Variants in RRM1 observed in about 807,000 individuals in gnomAD.
The protein encoded by RRM1 is ribonucleoside-diphosphate reductase large subunit.
A neutral mutation model predicts 101.5 loss-of-function variants in RRM1; 19 were observed. The observed-to-expected ratio is 0.19, with a 90% CI of 0.13 to 0.27. RRM1 has a LOEUF of 0.27. Among genes scored for constraint, RRM1 ranks in the 10% least tolerant of loss-of-function variants. The pLI, the probability that RRM1 is intolerant of heterozygous loss-of-function variation, is 1.00. For synonymous variants in RRM1, 298 were observed against 323.4 expected, an observed-to-expected ratio of 0.92 and a Z score of 0.84; for missense variants, 500 against 962.9, an observed-to-expected ratio of 0.52 and a Z score of 6.36.
At chr11:4,137,963 CT>C in intron 18 of RRM1, 1 of 118,792 alleles carries the variant, frequency 8.4e-6, no homozygotes, top group Non-Finnish European at 1.8e-5. Context: ...CCCCCACCTC[CT>C]TCCCAGATGG....
At chr11:4,127,283 G>C in intron 14 of RRM1, 27 bp downstream of exon 14, 1 of 1,469,870 alleles carries the variant, frequency 6.8e-7, no homozygotes, top group Non-Finnish European at 9.2e-7. Flanking sequence ...AATTGTTTTT[G>C]CCTGTGAGTA....
intron 1 of RRM1, among the ~76,000 whole-genome samples, chr11:4,100,624 G>A (rs929029761): frequency 2.6e-5 from 4 of 152,112 alleles, no homozygotes; most frequent in African/African-American, 9.7e-5. Flanking sequence ...ATCAGTGTGA[G>A]ACACTAACAT....
In RRM1 at chr11:4,111,990, T is replaced by C; in HGVS notation, c.578T>C (p.Leu193Pro). The C allele has an allele frequency of 6.2e-7, 1 of 1,614,212 alleles. No individual in the cohort carries two copies. ...GCAGCAATTGAAACATATAATCTTC[T>C]TTCTGAGAGGTGGTTTACTCATGCT... Reference protein sequence around the residue: ...IDAAIETYNLLSERWFTHASP... With the variant: ...IDAAIETYNLPSERWFTHASP... The change falls in exon 7 of 19, where the codon CTT (leucine) becomes CCT (proline). Residue 193 changes from leucine to proline, a missense_variant. Coordinates refer to ENST00000300738, the MANE Select transcript of RRM1 (RefSeq NM_001033.5).
chr11:4,121,932 C>G (rs1349447675), intron 10 of RRM1, among the ~76,000 whole-genome samples, 167 bp downstream of exon 10: 1 of 152,190 alleles, frequency 6.6e-6, no homozygotes, highest in Non-Finnish European at 1.5e-5. Context: ...TTTCTATTCT[C>G]TAAAGTAGAT....
intron 1 of RRM1, among the ~76,000 whole-genome samples, chr11:4,098,564 A>G (rs771074881): frequency 1.4e-4 from 22 of 152,202 alleles, no homozygotes; most frequent in Non-Finnish European, 2.8e-4. Context: ...CAATTGAGAA[A>G]GATAGACAAA....
chr11:4,102,675 C>T (rs1019409627), intron 2 of RRM1, among the ~76,000 whole-genome samples: 2 of 151,492 alleles, frequency 1.3e-5, no homozygotes, highest in African/African-American at 4.8e-5. Context: ...AAAGGGAAGC[C>T]TAGAGTAAAG....
Position 4,132,436 on chromosome 11 carries a change from A to T in RRM1, c.1905+15A>T. On this transcript the variant is annotated intron_variant, in intron 16 of 18. Transcript: ENST00000300738. The surrounding 1 kb of genome is among the most constrained non-coding windows in gnomAD (Gnocchi z 4.1). ...GAGAATTTCAGGTGAGCAGTTCACA[A>T]CCAGCCTTACAGGGAGATCTTTCAA... 6.2e-7 allele frequency: 1 copy of T among 1,613,750 alleles called. No homozygotes were observed. Among genetic ancestry groups the T allele is most frequent in the Non-Finnish European group, 8.5e-7 (1 of 1,179,858 alleles).
At chr11:4,116,977 AAAAG>A (rs1170252542) in intron 7 of RRM1, among the ~76,000 whole-genome samples, 5 of 146,464 alleles carry the variant, frequency 3.4e-5, no homozygotes, top group African/African-American at 5.2e-5. Flanking sequence ...AAAAAAAAAG[AAAAG>A]AAAAGAAAAG....
intron 4 of RRM1, among the ~76,000 whole-genome samples, chr11:4,108,714 C>T (rs548611347): frequency 6.6e-6 from 1 of 151,434 alleles, no homozygotes; most frequent in South Asian, 2.1e-4. Context: ...TGTGTAATCT[C>T]GAAGACAAGT....
chr11:4,115,445 C>T (rs1407119419), intron 7 of RRM1, among the ~76,000 whole-genome samples: 1 of 151,352 alleles, frequency 6.6e-6, no homozygotes, highest in Non-Finnish European at 1.5e-5. Context: ...GAGCAATTAG[C>T]CACTAAAAGC....
At chr11:4,100,940 T>C (rs2094550053) in intron 1 of RRM1, among the ~76,000 whole-genome samples, 1 of 152,220 alleles carries the variant, frequency 6.6e-6, no homozygotes, top group Non-Finnish European at 1.5e-5. Context: ...AAAGGTCGGA[T>C]GAGCTACTAT....
At chr11:4,130,441 A>G (rs1388811836) in intron 15 of RRM1, among the ~76,000 whole-genome samples, 1 of 152,124 alleles carries the variant, frequency 6.6e-6, no homozygotes, top group East Asian at 1.9e-4. Context: ...CACGTCTGTA[A>G]TCCCAGCACT....
chr11:4,131,914 G>T (rs768390465), intron 15 of RRM1, among the ~76,000 whole-genome samples: 2 of 152,182 alleles, frequency 1.3e-5, no homozygotes, highest in Non-Finnish European at 2.9e-5. Context: ...CCTAATACAG[G>T]TGGGGAGCGC....
chr11:4,122,249 A>G (rs2133309296), intron 11 of RRM1, 29 bp downstream of exon 11: 2 of 1,459,738 alleles, frequency 1.4e-6, no homozygotes, highest in Non-Finnish European at 1.9e-6. Context: ...AGAAAACAAT[A>G]ATGTTTTAAT....
At chr11:4,108,326 C>T (rs895789670) in intron 4 of RRM1, among the ~76,000 whole-genome samples, 2 of 152,100 alleles carry the variant, frequency 1.3e-5, no homozygotes, top group East Asian at 1.9e-4. Context: ...AGGCCGGGCG[C>T]GGTAGCTCAC....
intron 18 of RRM1, among the ~76,000 whole-genome samples, chr11:4,136,408 T>A (rs1031393503): frequency 6.6e-6 from 1 of 151,928 alleles, no homozygotes; most frequent in Admixed American, 6.5e-5. Flanking sequence ...TTATTAGAGA[T>A]GGGGTTTTGC....
Position 4,135,067 on chromosome 11 carries a change from G to A in RRM1, c.2002-15G>A. 3 of 1,583,440 alleles carry A rather than the reference G, an allele frequency of 1.9e-6. No homozygotes were observed. The highest frequency in any genetic ancestry group is 2.6e-6 in the Non-Finnish European group (3 of 1,159,984). On this transcript the variant is annotated splice_polypyrimidine_tract_variant and intron_variant, in intron 17 of 18. Transcript: ENST00000300738. ...TTAACTGGAGTAAAGTAAACATTGG[G>A]TTTTCCTTCTTTAGAGCATACCAGA...
At chr11:4,095,129 C>A (rs1463146411) in intron 1 of RRM1, 98 bp downstream of exon 1, 12 of 1,307,590 alleles carry the variant, frequency 9.2e-6, no homozygotes, top group Non-Finnish European at 1.3e-5. Flanking sequence ...TTCGCTGCTT[C>A]CCGCCTTTCC....
At chr11:4,108,580 AGAGT>A (rs1235643914) in intron 4 of RRM1, among the ~76,000 whole-genome samples, 2 of 130,314 alleles carry the variant, frequency 1.5e-5, no homozygotes, top group East Asian at 4.9e-4. Context: ...CCTGGGCAAC[AGAGT>A]GAGACTCAGT....
Sources: allele counts gnomAD v4.1 joint callset (sites outside exome capture counted in the v4.1 genomes callset), GRCh38; gene constraint gnomAD v4.1.1; non-coding constraint Gnocchi (gnomAD v3.1); transcripts MANE v1.5; gene names NCBI Gene and HGNC (gene_info 2026-07-23, HGNC 2026-07-21).